Variants in FCRL5 observed in about 807,000 individuals in gnomAD.
The protein encoded by FCRL5 is Fc receptor like 5.
FCRL5 carries 79 observed loss-of-function variants against 92.1 expected under a neutral mutation model. The ratio of observed to expected loss-of-function variants is 0.86; its 90% CI spans 0.72 to 1.03. The LOEUF (loss-of-function observed/expected upper bound fraction) is 1.03. Ranked by LOEUF, FCRL5 falls within the 50% of genes least tolerant of loss-of-function variation. FCRL5 has a pLI of 0.00. For missense variants in FCRL5, 1,160 were observed against 1,181.1 expected (o/e 0.98, Z 0.26); for synonymous variants, 466 against 469.3 (o/e 0.99, Z 0.09).
At chr1:157,535,447 A>C (rs1203012206) in intron 7 of FCRL5, among the ~76,000 whole-genome samples, 1 of 152,228 alleles carries the variant, frequency 6.6e-6, no homozygotes, top group African/African-American at 2.4e-5. Context: ...TTGTATTTGA[A>C]GTTCCTCACA....
Position 157,545,064 on chromosome 1 carries a change from G to A in FCRL5, c.326C>T (p.Ala109Val). The A allele has an allele frequency of 6.2e-7, 1 of 1,612,594 alleles. No homozygotes were observed. Among genetic ancestry groups the A allele is most frequent in the Non-Finnish European group, 8.5e-7 (1 of 1,180,002 alleles). The change falls in exon 4 of 17, where the codon GCT (alanine) becomes GTT (valine). Residue 109 changes from alanine to valine, a missense_variant. Transcript: ENST00000361835. The stretch of plus-strand genomic sequence containing the variant: ...GTCTCCTTCAAACACAGAAAGTGGA[G>A]CTTGCAGGATCAGCGAAGCTATGAG... ...DFSSASLILQ[A>V]PLSVFEGDSV...
chr1:157,539,255 C>G lies in FCRL5; in HGVS notation c.1233G>C (p.Leu411=). The G allele has an allele frequency of 6.2e-7, 1 of 1,614,166 alleles. No individual in the cohort carries two copies. The change falls in exon 7 of 17, where the codon CTG becomes CTC. Residue 411 remains leucine, a synonymous_variant. Coordinates refer to ENST00000361835, the MANE Select transcript of FCRL5 (RefSeq NM_031281.3). ...CEAQRGSLPI[L]YQFHHEGAAL... ...CAGCACCCTCATGATGAAACTGGTA[C>G]AGGATGGGGAGTGAACCTCTCTGGG...
chr1:157,546,839 A>G, intron 3 of FCRL5, 104 bp downstream of exon 3: 2 of 1,381,334 alleles, frequency 1.4e-6, no homozygotes, highest in South Asian at 1.4e-5. Flanking sequence ...TGTGAAATAA[A>G]ATTGTCCACT....
intron 3 of FCRL5, 80 bp from the exon 4 acceptor site, chr1:157,545,162 T>C: frequency 6.7e-7 from 1 of 1,496,626 alleles, no homozygotes; most frequent in East Asian, 2.3e-5. Flanking sequence ...GTAGATTTTA[T>C]TTTAAAAAAA....
At chr1:157,528,062 G>T in intron 8 of FCRL5, 167 bp from the exon 9 acceptor site, 1 of 750,706 alleles carries the variant, frequency 1.3e-6, no homozygotes, top group Admixed American at 3.3e-5. Context: ...GTATACCTAG[G>T]AAACCCTAAA....
chr1:157,538,924 G>A (rs1651107554), intron 7 of FCRL5, among the ~76,000 whole-genome samples, 162 bp downstream of exon 7: 1 of 152,240 alleles, frequency 6.6e-6, no homozygotes. Context: ...TGAGGCTCAA[G>A]GGGCAGACAG....
chr1:157,528,092 T>C, intron 8 of FCRL5, 197 bp from the exon 9 acceptor site: 1 of 501,142 alleles, frequency 2.0e-6, no homozygotes, highest in Non-Finnish European at 3.3e-6. Context: ...AAAAAGCTCC[T>C]AGATCTGATA....
intron 14 of FCRL5, 87 bp downstream of exon 14, chr1:157,518,613 C>T (rs866356866): frequency 2.5e-4 from 365 of 1,452,358 alleles, no homozygotes; most frequent in Middle Eastern, 1.1e-3. Context: ...CTCTAGGCCT[C>T]GGCATAGTCC....
At chr1:157,536,824 A>C (rs1450124862) in intron 7 of FCRL5, among the ~76,000 whole-genome samples, 1 of 152,194 alleles carries the variant, frequency 6.6e-6, no homozygotes, top group Non-Finnish European at 1.5e-5. Context: ...GAAGAACATA[A>C]ATTTTGAAGA....
rs755731649 is a variant in FCRL5 at position 157,521,288 on chromosome 1, C to G, written c.2244G>C (p.Pro748=). The change falls in exon 11 of 17, where the codon CCG becomes CCC. Residue 748 remains proline (P), a synonymous_variant. Transcript: ENST00000361835. Reference sequence around the variant, plus strand: ...TGAGGGTGAGGACCGGGCGAGACACCGGAACTGAAAGAGAACAAAAAGTCA... The same window carrying G: ...TGAGGGTGAGGACCGGGCGAGACACGGGAACTGAAAGAGAACAAAAAGTCA... The part of the protein sequence containing the change: ...SEMVTLKVAV[P]VSRPVLTLRA... 3.1e-6 allele frequency: 5 copies of G among 1,600,624 alleles called. No homozygotes were observed. The highest frequency in any genetic ancestry group is 2.2e-5 in the South Asian group (2 of 89,504).
chr1:157,534,195 C>G (rs772690322), intron 8 of FCRL5: 25 of 474,660 alleles, frequency 5.3e-5, no homozygotes, highest in Non-Finnish European at 8.7e-5. Context: ...TCACCAGCAG[C>G]TTTCTCCAAA....
At position 157,539,150 on chromosome 1, in the gene FCRL5, G is replaced by A. The variant is rs1651121042; in HGVS notation, c.1338C>T (p.Tyr446=). ...CAAAGCCATTGTCAGCTGTGCAGTA[G>A]TAGTTCCCTGAATGCTCTGCAGTCA... is the stretch of plus-strand genomic sequence containing the variant. The part of the protein sequence containing the change: ...FSLTAEHSGN[Y]YCTADNGFGP... The change falls in exon 7 of 17, where the codon TAC becomes TAT. Residue 446 remains tyrosine, a synonymous_variant. Coordinates refer to ENST00000361835, the MANE Select transcript of FCRL5 (RefSeq NM_031281.3). 3.5e-5 allele frequency: 57 copies of A among 1,614,100 alleles called. No homozygotes were observed. The highest frequency in any genetic ancestry group is 4.3e-5 in the Non-Finnish European group (51 of 1,180,042).
chr1:157,534,619 A>T lies in FCRL5; in HGVS notation c.1676T>A (p.Val559Asp). The part of the protein sequence containing the change: ...PQRSEVVSLF[V>D]TVPVSRPILT... ...GGCAAGAACCCAGCACTTACCAGTG[A>T]CAAAAAGGCTCACCACTTCACTGCG... The change falls in exon 8 of 17, where the codon GTC (valine) becomes GAC (aspartate). Residue 559 changes from valine to aspartate, a missense_variant. By Grantham distance (152) the Val-to-Asp change is radical (BLOSUM62 -3). Transcript: ENST00000361835. The T allele has an allele frequency of 6.2e-7, 1 of 1,614,214 alleles. No individual in the cohort carries two copies. The highest frequency in any genetic ancestry group is 8.5e-7 in the Non-Finnish European group (1 of 1,180,040).
chr1:157,540,009 TCTTTAGCC>T (rs1383450778), intron 6 of FCRL5, among the ~76,000 whole-genome samples: 3 of 152,372 alleles, frequency 2.0e-5, no homozygotes, highest in Non-Finnish European at 4.4e-5. Context: ...GGGGCACATG[TCTTTAGCC>T]ATGGCAAAAT....
At chr1:157,537,196 T>A (rs1231786248) in intron 7 of FCRL5, among the ~76,000 whole-genome samples, 5 of 152,198 alleles carry the variant, frequency 3.3e-5, no homozygotes, top group African/African-American at 9.6e-5. Context: ...GAGTCATATT[T>A]TTCTTCTTTC....
rs890785912 is a variant in FCRL5, at chr1:157,547,108, G to T, written c.142C>A (p.Arg48Ser). The change falls in exon 3 of 17, where the codon CGC becomes AGC. Residue 48 changes from arginine (R) to serine (S), a missense_variant. By Grantham distance (110) the Arg-to-Ser change is moderately radical. Transcript: ENST00000361835. Reference sequence around the variant, plus strand: ...TTTGTTTTCTGTGGTGAGTAGAAGCGAAATCCCTTGCAAGTGAGGGTCACT... The same window carrying T: ...TTTGTTTTCTGTGGTGAGTAGAAGCTAAATCCCTTGCAAGTGAGGGTCACT... The part of the protein sequence containing the change: ...ERVTLTCKGF[R>S]FYSPQKTKWY... The T allele has an allele frequency of 1.1e-5, 17 of 1,614,132 alleles. No homozygotes were observed. Among genetic ancestry groups the T allele is most frequent in the Non-Finnish European group, 1.4e-5 (17 of 1,180,030 alleles).
At chr1:157,531,612 T>G (rs1650699761) in intron 8 of FCRL5, among the ~76,000 whole-genome samples, 1 of 152,136 alleles carries the variant, frequency 6.6e-6, no homozygotes, top group South Asian at 2.1e-4. Context: ...ATGTGGAATA[T>G]ATGCACAATG....
Position 157,520,537 on chromosome 1 carries a change from C to T in FCRL5, c.2526G>A (p.Ala842=). The T allele has an allele frequency of 3.8e-6, 6 of 1,583,724 alleles. No homozygotes were observed. Among genetic ancestry groups the T allele is most frequent in the South Asian group, 2.3e-5 (2 of 86,366 alleles). The change falls in exon 12 of 17, where the codon GCG becomes GCA. Residue 842 remains alanine (A), a synonymous_variant. Coordinates refer to ENST00000361835, the MANE Select transcript of FCRL5 (RefSeq NM_031281.3). ...TVTLYITGLT[A]NRSGPFATGV... is the part of the protein sequence containing the mutation. ...CTGTGGCAAAAGGGCCACTTCTGTTCGCGGTCAGCCCTGAGGGGGAGACCC... is the reference window on the plus strand; with the variant it reads ...CTGTGGCAAAAGGGCCACTTCTGTTTGCGGTCAGCCCTGAGGGGGAGACCC...
chr1:157,544,893 C>G lies in FCRL5; in HGVS notation c.497G>C (p.Cys166Ser). The G allele has an allele frequency of 6.2e-7, 1 of 1,614,140 alleles. No homozygotes were observed. Among genetic ancestry groups the G allele is most frequent in the Non-Finnish European group, 8.5e-7 (1 of 1,179,984 alleles). Reference sequence around the variant, plus strand: ...GCAACAACTTTCCTTATATCCAGTACAGCGATATGCACCATTGTCCTTGAG... The same window carrying G: ...GCAACAACTTTCCTTATATCCAGTAGAGCGATATGCACCATTGTCCTTGAG... ...ACLKDNGAYR[C>S]TGYKESCCPV... Residue 166 changes from cysteine (C) to serine (S), a missense_variant, in exon 4 of 17, where the codon TGT becomes TCT. Coordinates refer to ENST00000361835, the MANE Select transcript of FCRL5 (RefSeq NM_031281.3).
Sources: allele counts gnomAD v4.1 joint callset (sites outside exome capture counted in the v4.1 genomes callset), GRCh38; gene constraint gnomAD v4.1.1; transcripts MANE v1.5; gene names NCBI Gene and HGNC (gene_info 2026-07-23, HGNC 2026-07-21).